CCDC91: variants seen among roughly 807,000 people sequenced by gnomAD.
CCDC91 encodes the protein coiled-coil domain containing 91.
Under a neutral mutation model 63.2 loss-of-function variants are expected in CCDC91, and 48 were observed. The observed-to-expected ratio is 0.76, with a 90% CI of 0.60 to 0.97. The LOEUF (loss-of-function observed/expected upper bound fraction) is 0.97. Among genes scored for constraint, CCDC91 ranks in the 50% least tolerant of loss-of-function variants. The probability of loss-of-function intolerance (pLI) is 0.00; values close to 1 mark genes in which losing one functional copy is unlikely to be tolerated. For missense variants in CCDC91, 500 were observed against 494.6 expected (o/e 1.01, Z -0.10); for synonymous variants, 167 against 165.8 (o/e 1.01, Z -0.06).
chr12:28,417,033 TC>T (rs1357061191), intron 8 of CCDC91, among the ~76,000 whole-genome samples: 1 of 152,134 alleles, frequency 6.6e-6, no homozygotes, highest in African/African-American at 2.4e-5. Context: ...CTACCACTCC[TC>T]CTCTTTCTAG....
intron 6 of CCDC91, among the ~76,000 whole-genome samples, chr12:28,330,333 C>T (rs1293377385): frequency 6.6e-6 from 1 of 152,056 alleles, no homozygotes; most frequent in Admixed American, 6.6e-5. Context: ...TGGTATCTCA[C>T]TGTGGTTTTG....
chr12:28,216,751 A>C (rs1943586435), intron 1 of CCDC91, among the ~76,000 whole-genome samples: 1 of 152,018 alleles, frequency 6.6e-6, no homozygotes, highest in African/African-American at 2.4e-5. Context: ...GATGGCTTTA[A>C]GTGTGTTTGT....
chr12:28,430,643 G>A (rs1266233785), intron 8 of CCDC91, among the ~76,000 whole-genome samples: 2 of 152,052 alleles, frequency 1.3e-5, no homozygotes, highest in African/African-American at 2.4e-5. Flanking sequence ...TAATCCATTT[G>A]TGAATTTTTC....
chr12:28,225,775 A>C (rs1372163089), intron 1 of CCDC91: 1 of 152,228 alleles, frequency 6.6e-6, no homozygotes, highest in East Asian at 1.9e-4. Context: ...CCTTTCTAAC[A>C]GATCCTTTGT....
At chr12:28,261,337 G>A (rs1350364824) in intron 3 of CCDC91, among the ~76,000 whole-genome samples, 2 of 151,910 alleles carry the variant, frequency 1.3e-5, no homozygotes, top group South Asian at 2.1e-4. Flanking sequence ...GAGATTGCTG[G>A]GAGGAAGAGT....
chr12:28,349,735 C>A (rs1487198305), intron 6 of CCDC91, among the ~76,000 whole-genome samples: 1 of 152,046 alleles, frequency 6.6e-6, no homozygotes, highest in Non-Finnish European at 1.5e-5. Context: ...ACTTTCACTC[C>A]TTTTCTTGTT....
chr12:28,226,116 T>A (rs1944259654), intron 1 of CCDC91: 1 of 152,174 alleles, frequency 6.6e-6, no homozygotes, highest in Non-Finnish European at 1.5e-5. Context: ...CCAGTTTTAT[T>A]TTGGAATTTT....
At chr12:28,201,638 G>A (rs1942441882) in intron 1 of CCDC91, among the ~76,000 whole-genome samples, 2 of 146,960 alleles carry the variant, frequency 1.4e-5, no homozygotes, top group South Asian at 4.3e-4. Flanking sequence ...CGGCCGGGCA[G>A]AGGCTGCAAT....
intron 7 of CCDC91, 52 bp downstream of exon 7, chr12:28,362,567 A>C: frequency 9.0e-7 from 1 of 1,113,266 alleles, no homozygotes; most frequent in Non-Finnish European, 1.3e-6. Flanking sequence ...CTTTAGTAAA[A>C]AATGTACACA....
chr12:28,453,135 A>G (rs10843174), intron 11 of CCDC91, among the ~76,000 whole-genome samples: 61,071 of 151,754 alleles, frequency 0.4, 12,550 homozygotes, highest in Middle Eastern at 0.48. Context: ...AATATTCCCT[A>G]TAGTCTCATA....
chr12:28,422,447 T>A (rs1199877684), intron 8 of CCDC91, among the ~76,000 whole-genome samples: 1 of 152,102 alleles, frequency 6.6e-6, no homozygotes, highest in Admixed American at 6.6e-5. Flanking sequence ...TTATTACTTT[T>A]GGTGTTATTA....
intron 11 of CCDC91, among the ~76,000 whole-genome samples, chr12:28,482,361 C>T (rs1282683246): frequency 2.6e-5 from 4 of 151,738 alleles, no homozygotes; most frequent in Admixed American, 6.6e-5. Flanking sequence ...CAACTTTGTA[C>T]TCTATCAATG....
Position 28,330,280 on chromosome 12 carries a change from G to A in CCDC91, c.576+22531G>A, listed in dbSNP as rs559749307. On this transcript the variant is annotated intron_variant, in intron 6 of 12. Coordinates refer to ENST00000536442, the MANE Select transcript of CCDC91 (RefSeq NM_018318.5). ...CTCCACATCCTCTCCAGCACCTGTTGTTTCCTGACTTTTTAATGATCGCCA... is the reference window on the plus strand; with the variant it reads ...CTCCACATCCTCTCCAGCACCTGTTATTTCCTGACTTTTTAATGATCGCCA... Among the ~76,000 whole-genome samples the A allele has an allele frequency of 2.1e-3, 323 of 152,196 alleles. 1 individual carries two copies. The highest frequency in any genetic ancestry group is 7.3e-3 in the African/African-American group (302 of 41,546).
chr12:28,480,606 A>T (rs533570651), intron 11 of CCDC91, among the ~76,000 whole-genome samples: 1 of 152,142 alleles, frequency 6.6e-6, no homozygotes, highest in South Asian at 2.1e-4. Context: ...TTGCACCTCT[A>T]GTTTATCACT....
intron 12 of CCDC91, among the ~76,000 whole-genome samples, chr12:28,521,906 C>T (rs1385691799): frequency 6.6e-6 from 1 of 152,196 alleles, no homozygotes; most frequent in Non-Finnish European, 1.5e-5. Context: ...ACCAGCCTTG[C>T]ATCCCAGGGA....
At chr12:28,330,240 A>C (rs1468018727) in intron 6 of CCDC91, among the ~76,000 whole-genome samples, 1 of 152,116 alleles carries the variant, frequency 6.6e-6, no homozygotes, top group Non-Finnish European at 1.5e-5. Context: ...CAGCAGTGTA[A>C]AAGTGTTCCC....
Position 28,460,811 on chromosome 12 carries a change from G to GTA in CCDC91, c.1101+8167_1101+8168dup, listed in dbSNP as rs1357516455. Among the ~76,000 whole-genome samples, 119 of 151,776 alleles carry GTA rather than the reference G, an allele frequency of 7.8e-4. 2 individuals are homozygous for GTA. The highest frequency in any genetic ancestry group is 2.6e-3 in the African/African-American group (108 of 41,410). On this transcript the variant is annotated intron_variant, in intron 11 of 12. Coordinates refer to ENST00000536442, the MANE Select transcript of CCDC91 (RefSeq NM_018318.5). ...TATATCTGTATGTGTGTGTGTGTGT[G>GTA]TATATATATATTTTTTAACTTAGCT...
intron 1 of CCDC91, among the ~76,000 whole-genome samples, chr12:28,199,295 C>G (rs1167383770): frequency 1.4e-5 from 2 of 140,408 alleles, no homozygotes; most frequent in African/African-American, 5.1e-5. Flanking sequence ...TTATAACAAT[C>G]TATATTAATT....
chr12:28,485,970 G>T (rs1951704010), intron 12 of CCDC91, among the ~76,000 whole-genome samples: 1 of 151,952 alleles, frequency 6.6e-6, no homozygotes, highest in Non-Finnish European at 1.5e-5. Context: ...TTTTAAAATT[G>T]TTTATTTTAT....
Sources: gnomAD v4.1 joint callset for allele counts (sites outside exome capture counted in the v4.1 genomes callset) on GRCh38, gnomAD v4.1.1 for gene constraint, MANE v1.5 for transcripts, NCBI Gene and HGNC (gene_info 2026-07-23, HGNC 2026-07-21) for gene names.